The following NTN4 variants were observed in gnomAD, a reference collection of about 807,000 sequenced individuals.
NTN4 encodes netrin 4.
In NTN4, 32 loss-of-function variants were observed where a neutral mutation model predicts 73.6. The ratio of observed to expected loss-of-function variants is 0.44; its 90% CI spans 0.33 to 0.58. NTN4 has a LOEUF of 0.58. NTN4 is among the 20% of genes least tolerant of loss of function. The probability of loss-of-function intolerance (pLI) is 0.04; values close to 1 mark genes in which losing one functional copy is unlikely to be tolerated. For missense variants in NTN4, 654 were observed against 798.3 expected (o/e 0.82, Z 2.18); for synonymous variants, 258 against 287.5 (o/e 0.90, Z 1.04).
Position 95,683,546 on chromosome 12 carries a change from C to T in NTN4, c.1346G>A (p.Cys449Tyr). The T allele has an allele frequency of 6.2e-7, 1 of 1,614,230 alleles. No homozygotes were observed. The highest frequency in any genetic ancestry group is 8.5e-7 in the Non-Finnish European group (1 of 1,180,046). ...WGFGDYGCRP[C>Y]DCAGSCDPIT... ...AGGGTCACAGCTCCCCGCACAGTCA[C>T]ATGGTCGACAGCCATAGTCTCCGAA... The change falls in exon 6 of 10, where the codon TGT becomes TAT. Residue 449 changes from cysteine to tyrosine, a missense_variant. Transcript: ENST00000343702.
At chr12:95,668,293 G>A (rs553029449) in intron 8 of NTN4, among the ~76,000 whole-genome samples, 1 of 152,244 alleles carries the variant, frequency 6.6e-6, no homozygotes, top group East Asian at 1.9e-4. Context: ...TAATGCAGTT[G>A]TATTAAAAGA....
At chr12:95,749,669 C>T (rs983943923) in intron 2 of NTN4, among the ~76,000 whole-genome samples, 3 of 152,220 alleles carry the variant, frequency 2.0e-5, no homozygotes, top group Admixed American at 1.3e-4. Flanking sequence ...TATACACCCA[C>T]GTTTCAAAGG....
chr12:95,683,263 T>C (rs748489094), intron 6 of NTN4, among the ~76,000 whole-genome samples: 3 of 152,160 alleles, frequency 2.0e-5, no homozygotes, highest in Non-Finnish European at 4.4e-5. Flanking sequence ...GGTTTCATCA[T>C]GTTGGCCAGG....
intron 5 of NTN4, among the ~76,000 whole-genome samples, chr12:95,692,584 G>A (rs964428915): frequency 2.0e-5 from 3 of 152,224 alleles, no homozygotes; most frequent in Non-Finnish European, 4.4e-5. Context: ...CAATGCTGCT[G>A]TGTAGGACTT....
chr12:95,710,119 T>C (rs1196491097), intron 5 of NTN4, among the ~76,000 whole-genome samples: 2 of 152,220 alleles, frequency 1.3e-5, no homozygotes, highest in African/African-American at 2.4e-5. Flanking sequence ...TACTCACAAG[T>C]AGTCTTAAGA....
At chr12:95,785,820 G>T (rs73369348) in intron 2 of NTN4, among the ~76,000 whole-genome samples, 21,715 of 152,120 alleles carry the variant, frequency 0.14, 2,977 homozygotes, top group East Asian at 0.52. Context: ...CTGTAGCCAT[G>T]GTGATCCATG....
rs1460848065 is a variant in NTN4 at position 95,770,988 on chromosome 12, A to ATTTTTTTTTTTTTTTTT, written c.585+15950_585+15951insAAAAAAAAAAAAAAAAA. Among the ~76,000 whole-genome samples the ATTTTTTTTTTTTTTTTT allele has an allele frequency of 1.1e-3, 62 of 58,076 alleles. 4 individuals are homozygous for ATTTTTTTTTTTTTTTTT. The highest frequency in any genetic ancestry group is 2.5e-3 in the African/African-American group (57 of 22,868). 38.1% of individuals were successfully genotyped at this position (58,076 alleles called of 152,430 possible). On this transcript the variant is annotated intron_variant, in intron 2 of 9. Coordinates refer to ENST00000343702, the MANE Select transcript of NTN4 (RefSeq NM_021229.4). ...GCAAGATGAACCATCCAGGAAAAGA[A>ATTTTTTTTTTTTTTTTT]TTTGTTTTTTTTTTTTTTTGAGACA...
Position 95,766,745 on chromosome 12 carries a change from G to A in NTN4, c.585+20194C>T, listed in dbSNP as rs74777305. Among the ~76,000 whole-genome samples the A allele has an allele frequency of 6.9e-3, 1,056 of 152,246 alleles. 37 individuals are homozygous for A. The East Asian group carries it at 0.087, about 13-fold the overall frequency. ...ATATTCTAGCTGTGCTTGCCTAGAC[G>A]GGAAGACAGAAGGGCTCTTCTCTTG... On this transcript the variant is annotated intron_variant, in intron 2 of 9. Coordinates refer to ENST00000343702, the MANE Select transcript of NTN4 (RefSeq NM_021229.4).
intron 3 of NTN4, among the ~76,000 whole-genome samples, chr12:95,715,337 T>C (rs535321789): frequency 8.5e-5 from 13 of 152,184 alleles, no homozygotes; most frequent in Non-Finnish European, 1.3e-4. Context: ...TTAGTGAGTA[T>C]ACAGATTTTT....
At chr12:95,740,347 G>A (rs529063242) in intron 2 of NTN4, among the ~76,000 whole-genome samples, 3 of 152,252 alleles carry the variant, frequency 2.0e-5, no homozygotes, top group African/African-American at 7.2e-5. Flanking sequence ...ACACGTAGAA[G>A]CCCTCAGGAT....
chr12:95,752,353 C>CA (rs1170022017), intron 2 of NTN4, among the ~76,000 whole-genome samples: 1 of 151,066 alleles, frequency 6.6e-6, no homozygotes, highest in Non-Finnish European at 1.5e-5. Flanking sequence ...GTGCCAAACC[C>CA]ATATACTCTC....
intron 2 of NTN4, among the ~76,000 whole-genome samples, 153 bp from the exon 3 acceptor site, chr12:95,738,297 G>C (rs1285173988): frequency 1.3e-5 from 2 of 152,234 alleles, no homozygotes; most frequent in Non-Finnish European, 2.9e-5. Context: ...ACCTGGGACA[G>C]AGCCGCCCTG....
At chr12:95,663,579 T>C (rs1313575448) in intron 9 of NTN4, 1 of 152,242 alleles carries the variant, frequency 6.6e-6, no homozygotes, top group Non-Finnish European at 1.5e-5. Context: ...AGGAAGCAGG[T>C]TGGCGTGTAA....
At chr12:95,696,262 G>A (rs889481762) in intron 5 of NTN4, among the ~76,000 whole-genome samples, 2 of 151,712 alleles carry the variant, frequency 1.3e-5, no homozygotes, top group Non-Finnish European at 2.9e-5. Context: ...TATTTACTTG[G>A]GTAAATTTAT....
intron 2 of NTN4, among the ~76,000 whole-genome samples, chr12:95,745,948 G>A (rs1311910748): frequency 6.6e-6 from 1 of 152,154 alleles, no homozygotes; most frequent in Non-Finnish European, 1.5e-5. Context: ...GTCTGTTCCT[G>A]GCCCCATGTT....
chr12:95,774,242 A>AAAT (rs2079076849), intron 2 of NTN4, among the ~76,000 whole-genome samples: 1 of 151,902 alleles, frequency 6.6e-6, no homozygotes, highest in African/African-American at 2.4e-5. Flanking sequence ...ACTTCAAGGC[A>AAAT]AATTAATCAT....
chr12:95,771,451 T>A (rs1380848868), intron 2 of NTN4, among the ~76,000 whole-genome samples: 1 of 152,182 alleles, frequency 6.6e-6, no homozygotes, highest in Non-Finnish European at 1.5e-5. Flanking sequence ...AATAAATTTT[T>A]AAAAAATTCT....
intron 3 of NTN4, among the ~76,000 whole-genome samples, chr12:95,719,303 T>G (rs79436417): frequency 6.6e-6 from 1 of 152,048 alleles, no homozygotes; most frequent in South Asian, 2.1e-4. Context: ...TAGACCATCA[T>G]GGGAACTTTA....
In NTN4 at chr12:95,729,632, A is replaced by AGAGTGT. The variant is rs1555218229; in HGVS notation, c.864+8233_864+8234insACACTC. 6.8e-3 allele frequency among the ~76,000 whole-genome samples: 846 copies of AGAGTGT among 124,110 alleles called. 15 individuals are homozygous for AGAGTGT. Among genetic ancestry groups the AGAGTGT allele is most frequent in the African/African-American group, 0.023 (794 of 34,806 alleles). The allele number at this position is 124,110 out of a possible 152,430, so 81.4% of individuals were successfully genotyped here. A position where few individuals can be genotyped will look rare whatever the true frequency, so the allele number is the denominator to read the frequency against. ...ATTATAAAGAGAGAGAGAGAGAGAG[A>AGAGTGT]GTGTGTGTGTGTGTGTGTGTGTGTG... On this transcript the variant is annotated intron_variant, in intron 3 of 9. Coordinates refer to ENST00000343702, the MANE Select transcript of NTN4 (RefSeq NM_021229.4).
Sources: gnomAD v4.1 joint callset for allele counts (sites outside exome capture counted in the v4.1 genomes callset) on GRCh38, gnomAD v4.1.1 for gene constraint, MANE v1.5 for transcripts, NCBI Gene and HGNC (gene_info 2026-07-23, HGNC 2026-07-21) for gene names.